LRRIQ1: variants seen among roughly 807,000 people sequenced by gnomAD.
LRRIQ1 encodes leucine rich repeats and IQ motif containing 1, also known as leucine-rich repeat- and IQ domain-containing protein 1.
LRRIQ1 carries 210 observed loss-of-function variants against 211.9 expected under a neutral mutation model. The observed-to-expected ratio is 0.99, with a 90% CI of 0.89 to 1.11. The LOEUF (loss-of-function observed/expected upper bound fraction) is 1.11. Ranked by LOEUF, LRRIQ1 falls within the 50% of genes most tolerant of loss-of-function variation. LRRIQ1 has a pLI of 0.00. For synonymous variants in LRRIQ1, 699 were observed against 650.1 expected (o/e 1.08, Z -1.14); for missense variants, 2,136 against 1,939.5 (o/e 1.10, Z -1.90).
At chr12:85,074,916 G>A (rs1356443469) in intron 11 of LRRIQ1, among the ~76,000 whole-genome samples, 1 of 151,894 alleles carries the variant, frequency 6.6e-6, no homozygotes, top group African/African-American at 2.4e-5. Flanking sequence ...AAATCTAGTT[G>A]TCTTTATTTC....
chr12:85,244,304 T>C (rs1004174279), intron 26 of LRRIQ1, among the ~76,000 whole-genome samples: 1 of 151,482 alleles, frequency 6.6e-6, no homozygotes, highest in Non-Finnish European at 1.5e-5. Context: ...AATGAGAAGG[T>C]AAAGATGGTC....
intron 24 of LRRIQ1, among the ~76,000 whole-genome samples, chr12:85,195,514 T>C (rs914607990): frequency 2.6e-5 from 4 of 152,086 alleles, no homozygotes; most frequent in Middle Eastern, 3.2e-3. Flanking sequence ...GCAAGGCTGG[T>C]TCAATATACC....
chr12:85,191,534 A>G (rs925313528), intron 24 of LRRIQ1, among the ~76,000 whole-genome samples: 5 of 152,030 alleles, frequency 3.3e-5, no homozygotes, highest in African/African-American at 1.2e-4. Flanking sequence ...GTTTCATTGA[A>G]TGGAAGTACC....
chr12:85,151,519 A>G (rs923271506), intron 19 of LRRIQ1, among the ~76,000 whole-genome samples: 1 of 151,732 alleles, frequency 6.6e-6, no homozygotes, highest in African/African-American at 2.4e-5. Context: ...TTACAGAAAC[A>G]TAGAAATTAA....
intron 15 of LRRIQ1, among the ~76,000 whole-genome samples, chr12:85,117,411 GA>G (rs1313429278): frequency 6.6e-6 from 1 of 152,092 alleles, no homozygotes; most frequent in Non-Finnish European, 1.5e-5. Context: ...ATTATAGTAG[GA>G]GAAGAAAAAA....
chr12:85,140,709 A>G (rs1163853490), intron 19 of LRRIQ1, among the ~76,000 whole-genome samples: 2 of 151,160 alleles, frequency 1.3e-5, no homozygotes, highest in Non-Finnish European at 3.0e-5. Flanking sequence ...CCACTAAGTA[A>G]GATGTTTCCT....
intron 11 of LRRIQ1, among the ~76,000 whole-genome samples, chr12:85,088,841 C>G (rs1438231654): frequency 6.6e-6 from 1 of 152,160 alleles, no homozygotes; most frequent in Non-Finnish European, 1.5e-5. Context: ...AGATTTTGGG[C>G]TGAGACAGTG....
chr12:85,214,959 G>A (rs1204812311), intron 24 of LRRIQ1, among the ~76,000 whole-genome samples: 1 of 152,018 alleles, frequency 6.6e-6, no homozygotes, highest in East Asian at 1.9e-4. Flanking sequence ...CTCACATCCA[G>A]TATAAATAAT....
chr12:85,238,125 T>C (rs575549619), intron 26 of LRRIQ1, among the ~76,000 whole-genome samples: 1 of 151,604 alleles, frequency 6.6e-6, no homozygotes, highest in South Asian at 2.1e-4. Flanking sequence ...TTCACCTTAA[T>C]TGAAAAAAAA....
Position 85,154,071 on chromosome 12 carries a change from C to A in LRRIQ1, c.4697C>A (p.Ser1566Ter), listed in dbSNP as rs758802431. 9 of 1,559,674 alleles carry A rather than the reference C, an allele frequency of 5.8e-6. No homozygotes were observed. The highest frequency in any genetic ancestry group is 7.8e-6 in the Non-Finnish European group (9 of 1,151,268). ...QMLKRAQKMK[S>*]KKLKKKIDST... The stretch of plus-strand genomic sequence containing the variant: ...TTGAAGAGGGCACAGAAAATGAAAT[C>A]GAAGAAACTAAAGAAAAAAATAGGT... Residue 1566 changes from serine to a stop codon, truncating the protein, a stop_gained, in exon 23 of 27, where the codon TCG (serine) becomes TAG (stop). Coordinates refer to ENST00000393217, the MANE Select transcript of LRRIQ1 (RefSeq NM_001079910.2). LOFTEE classifies it high-confidence loss of function.
At chr12:85,210,634 T>C (rs1313281688) in intron 24 of LRRIQ1, among the ~76,000 whole-genome samples, 1 of 152,170 alleles carries the variant, frequency 6.6e-6, no homozygotes, top group Non-Finnish European at 1.5e-5. Flanking sequence ...GGAATTCTAA[T>C]AGAAGAAAGA....
At chr12:85,199,757 A>G (rs1893199323) in intron 24 of LRRIQ1, among the ~76,000 whole-genome samples, 1 of 152,120 alleles carries the variant, frequency 6.6e-6, no homozygotes, top group South Asian at 2.1e-4. Flanking sequence ...AGATCTTGTG[A>G]GACTCACTCA....
At chr12:85,192,311 T>C (rs376086774) in intron 24 of LRRIQ1, among the ~76,000 whole-genome samples, 10 of 148,046 alleles carry the variant, frequency 6.8e-5, no homozygotes, top group African/African-American at 2.2e-4. Context: ...TCCAGCTCCA[T>C]TCATGTCACT....
At chr12:85,145,317 C>T (rs1889816123) in intron 19 of LRRIQ1, among the ~76,000 whole-genome samples, 1 of 151,458 alleles carries the variant, frequency 6.6e-6, no homozygotes, top group South Asian at 2.1e-4. Context: ...GATCCAAAAG[C>T]CTAGATCAAC....
At chr12:85,086,146 A>T (rs1032483920) in intron 11 of LRRIQ1, among the ~76,000 whole-genome samples, 1 of 152,196 alleles carries the variant, frequency 6.6e-6, no homozygotes, top group African/African-American at 2.4e-5. Context: ...GTGAGATGGT[A>T]TATCATTGTG....
chr12:85,132,909 A>G (rs1353761777), intron 18 of LRRIQ1, among the ~76,000 whole-genome samples: 4 of 152,136 alleles, frequency 2.6e-5, no homozygotes, highest in Non-Finnish European at 4.4e-5. Flanking sequence ...TGACATGCCA[A>G]TCATAAAGAG....
Position 85,044,798 on chromosome 12 carries a change from CAATT to C in LRRIQ1, c.332_335del (p.Ile111ArgfsTer6), listed in dbSNP as rs766987105. On this transcript the variant is annotated frameshift_variant, in exon 4 of 27. Transcript: ENST00000393217. LOFTEE classifies it high-confidence loss of function. ...AACTGAATATGAAGAAAGTTCAGAG[CAATT>C]AATTAAGGTATATATTCAATATTTG... 4 of 1,456,074 alleles carry C rather than the reference CAATT, an allele frequency of 2.7e-6. No individual in the cohort carries two copies. The highest frequency in any genetic ancestry group is 3.8e-6 in the Non-Finnish European group (4 of 1,044,108). 90.2% of individuals were successfully genotyped at this position (1,456,074 alleles called of 1,614,324 possible). A position where few individuals can be genotyped will look rare whatever the true frequency, so the allele number is the denominator to read the frequency against.
intron 24 of LRRIQ1, among the ~76,000 whole-genome samples, chr12:85,187,624 T>A (rs867483850): frequency 5.9e-5 from 9 of 151,594 alleles, no homozygotes; most frequent in African/African-American, 1.9e-4. Flanking sequence ...TTAGCCAACG[T>A]GGCAAAACCC....
intron 10 of LRRIQ1, among the ~76,000 whole-genome samples, chr12:85,070,939 T>A (rs897727341): frequency 9.2e-5 from 14 of 151,986 alleles, no homozygotes; most frequent in African/African-American, 3.4e-4. Context: ...CAAACAGATA[T>A]GATTAAAATA....
Sources: allele counts gnomAD v4.1 joint callset (sites outside exome capture counted in the v4.1 genomes callset), GRCh38; gene constraint gnomAD v4.1.1; transcripts MANE v1.5; gene names NCBI Gene and HGNC (gene_info 2026-07-23, HGNC 2026-07-21).